Variants in GREM2 observed in about 807,000 individuals in gnomAD.
GREM2 encodes the protein gremlin-2.
Under a neutral mutation model 14.2 loss-of-function variants are expected in GREM2, and 11 were observed. That is an observed-to-expected ratio of 0.78 (90% CI 0.49 to 1.28). GREM2 has a LOEUF of 1.28. GREM2 is among the 50% of genes most tolerant of loss of function. The pLI is 0.00. For missense variants in GREM2, 210 were observed against 218.5 expected, an observed-to-expected ratio of 0.96 and a Z score of 0.24; for synonymous variants, 98 against 97.6, an observed-to-expected ratio of 1.00 and a Z score of -0.02.
intron 1 of GREM2, among the ~76,000 whole-genome samples, chr1:240,611,032 T>C (rs116063091): frequency 0.023 from 3,430 of 149,332 alleles, 52 homozygotes; most frequent in Non-Finnish European, 0.039. Context: ...CATGATAAAA[T>C]CTCAGGAAAT....
chr1:240,602,636 G>C (rs541864621), intron 1 of GREM2, among the ~76,000 whole-genome samples: 13 of 151,886 alleles, frequency 8.6e-5, no homozygotes, highest in Non-Finnish European at 1.3e-4. Context: ...GGCCAACATG[G>C]TGAAACCGCG....
intron 1 of GREM2, among the ~76,000 whole-genome samples, chr1:240,517,680 A>AT (rs1677982080): frequency 6.6e-6 from 1 of 152,184 alleles, no homozygotes; most frequent in South Asian, 2.1e-4. Context: ...ATGGTTCACA[A>AT]TTTTTTGTGT....
intron 1 of GREM2, among the ~76,000 whole-genome samples, chr1:240,531,354 A>G (rs765689498): frequency 1.3e-5 from 2 of 152,238 alleles, no homozygotes; most frequent in Non-Finnish European, 2.9e-5. Flanking sequence ...CTGGAAGATT[A>G]CTTAATAGAG....
chr1:240,497,124 A>G (rs1279802373), intron 1 of GREM2, among the ~76,000 whole-genome samples: 2 of 152,218 alleles, frequency 1.3e-5, no homozygotes, highest in Non-Finnish European at 2.9e-5. Flanking sequence ...TGACTGCGTG[A>G]CAAAGGTATT....
intron 1 of GREM2, among the ~76,000 whole-genome samples, chr1:240,585,484 C>T (rs949596462): frequency 2.6e-5 from 4 of 152,024 alleles, no homozygotes; most frequent in Admixed American, 2.6e-4. Context: ...AATCTTAGCA[C>T]TTTGGGAGGA....
intron 1 of GREM2, among the ~76,000 whole-genome samples, chr1:240,587,620 C>T (rs535820104): frequency 3.1e-3 from 466 of 152,192 alleles, no homozygotes; most frequent in Middle Eastern, 6.8e-3. Flanking sequence ...CCATACCAGC[C>T]GTTTTCACTT....
intron 1 of GREM2, among the ~76,000 whole-genome samples, chr1:240,524,300 A>G (rs1368902081): frequency 3.9e-5 from 6 of 152,276 alleles, no homozygotes; most frequent in Admixed American, 3.3e-4. Context: ...GGCATGGGCC[A>G]CCACACCCAG....
chr1:240,606,266 A>C (rs192359667), intron 1 of GREM2, among the ~76,000 whole-genome samples: 70 of 152,350 alleles, frequency 4.6e-4, no homozygotes, highest in African/African-American at 1.6e-3. Context: ...GGGGAGCTTG[A>C]AAGTTAGTGA....
chr1:240,521,767 C>T (rs1270743290), intron 1 of GREM2, among the ~76,000 whole-genome samples: 1 of 152,076 alleles, frequency 6.6e-6, no homozygotes, highest in Non-Finnish European at 1.5e-5. Flanking sequence ...ATTTCATACA[C>T]ATTGGTGGTC....
intron 1 of GREM2, among the ~76,000 whole-genome samples, chr1:240,557,800 G>A (rs1377628774): frequency 1.3e-5 from 2 of 151,866 alleles, no homozygotes; most frequent in South Asian, 2.1e-4. Context: ...GCTGCCTGGA[G>A]AGCAACCACC....
chr1:240,570,133 A>G (rs764847737), intron 1 of GREM2, among the ~76,000 whole-genome samples: 7 of 152,210 alleles, frequency 4.6e-5, no homozygotes, highest in Non-Finnish European at 1.0e-4. Context: ...TTTTACTGGA[A>G]AGCTAGGTTG....
intron 1 of GREM2, among the ~76,000 whole-genome samples, chr1:240,560,525 C>T (rs1679018757): frequency 6.6e-6 from 1 of 152,086 alleles, no homozygotes; most frequent in Non-Finnish European, 1.5e-5. Context: ...CTGAACCAAA[C>T]TGAATGAAGA....
chr1:240,601,378 T>C (rs1188148834), intron 1 of GREM2, among the ~76,000 whole-genome samples: 1 of 152,030 alleles, frequency 6.6e-6, no homozygotes, highest in Non-Finnish European at 1.5e-5. Context: ...ATAACCTACA[T>C]GGAGTCTTAT....
intron 1 of GREM2, among the ~76,000 whole-genome samples, chr1:240,573,444 A>G (rs1464796372): frequency 2.6e-5 from 4 of 152,144 alleles, no homozygotes; most frequent in African/African-American, 9.7e-5. Flanking sequence ...CTTTCTTTAA[A>G]ATTTTGATAT....
At chr1:240,545,072 T>A (rs866593385) in intron 1 of GREM2, among the ~76,000 whole-genome samples, 8 of 152,358 alleles carry the variant, frequency 5.3e-5, no homozygotes, top group Admixed American at 2.0e-4. Flanking sequence ...TGATGTTGTC[T>A]GATGGCTGGA....
chr1:240,556,979 G>A (rs1678961342), intron 1 of GREM2, among the ~76,000 whole-genome samples: 1 of 151,920 alleles, frequency 6.6e-6, no homozygotes, highest in Admixed American at 6.6e-5. Context: ...AGACCAGCCT[G>A]GATAACATGG....
chr1:240,529,931 GAT>G (rs1324172715), intron 1 of GREM2, among the ~76,000 whole-genome samples: 1 of 152,110 alleles, frequency 6.6e-6, no homozygotes, highest in African/African-American at 2.4e-5. Flanking sequence ...ACTTTGAAAA[GAT>G]ATTCTTGGGA....
intron 1 of GREM2, among the ~76,000 whole-genome samples, chr1:240,610,343 A>G (rs1680109387): frequency 1.3e-5 from 2 of 152,224 alleles, no homozygotes; most frequent in African/African-American, 2.4e-5. Flanking sequence ...CAAATATAAT[A>G]TTCACTTGCC....
At chr1:240,572,979 G>T (rs1024669065) in intron 1 of GREM2, among the ~76,000 whole-genome samples, 25 of 152,150 alleles carry the variant, frequency 1.6e-4, no homozygotes, top group Non-Finnish European at 1.8e-4. Context: ...TCATTGGCCT[G>T]TGGAATTAAA....
Sources: gnomAD v4.1 joint callset for allele counts (sites outside exome capture counted in the v4.1 genomes callset) on GRCh38, gnomAD v4.1.1 for gene constraint, MANE v1.5 for transcripts, NCBI Gene and HGNC (gene_info 2026-07-23, HGNC 2026-07-21) for gene names.